Variants in UNC80 observed in about 807,000 individuals in gnomAD.
UNC80 encodes unc-80 subunit of NALCN channel complex, also known as protein unc-80 homolog.
Under a neutral mutation model 384.6 loss-of-function variants are expected in UNC80, and 164 were observed. That is an observed-to-expected ratio of 0.43 (90% CI 0.38 to 0.49). The LOEUF (loss-of-function observed/expected upper bound fraction) is 0.49, where lower values mean the gene tolerates loss of function less well. UNC80 is among the 20% of genes least tolerant of loss of function. The pLI, the probability that UNC80 is intolerant of heterozygous loss-of-function variation, is 0.00. For synonymous variants in UNC80, 1,486 were observed against 1,527.8 expected (o/e 0.97, Z 0.64); for missense variants, 3,330 against 4,143.0 (o/e 0.80, Z 5.39).
rs147855646 is a variant in UNC80 at position 209,863,868 on chromosome 2, T to C, written c.3628-8890T>C. Among the ~76,000 whole-genome samples, 100 of 152,176 alleles carry C rather than the reference T, an allele frequency of 6.6e-4. 2 individuals carry two copies. The East Asian group carries it at 0.019, about 29-fold the overall frequency. ...TGTCCATGTGATCTCGGTCCAGTTC[T>C]GTGCCCTTGATGGAGAGACGCTGCG... On this transcript the variant is annotated intron_variant, in intron 22 of 64. Coordinates refer to ENST00000673920, the MANE Select transcript of UNC80 (RefSeq NM_001371986.1).
intron 6 of UNC80, among the ~76,000 whole-genome samples, chr2:209,790,257 C>A (rs1488220416): frequency 6.6e-6 from 1 of 152,134 alleles, no homozygotes; most frequent in Admixed American, 6.5e-5. Context: ...ATTAAATGAC[C>A]TGCTTTCACT....
chr2:209,925,424 A>C (rs2090354458), intron 35 of UNC80, among the ~76,000 whole-genome samples: 1 of 152,228 alleles, frequency 6.6e-6, no homozygotes, highest in African/African-American at 2.4e-5. Context: ...CCAAAGAGTG[A>C]GCAGCAGCAA....
chr2:209,821,082 A>G (rs1365279159), intron 13 of UNC80, among the ~76,000 whole-genome samples: 3 of 151,338 alleles, frequency 2.0e-5, no homozygotes, highest in Non-Finnish European at 4.4e-5. Flanking sequence ...AGTGGCTTAA[A>G]CAATAGAAAT....
At chr2:209,923,962 A>G (rs979275926) in intron 35 of UNC80, among the ~76,000 whole-genome samples, 1 of 152,152 alleles carries the variant, frequency 6.6e-6, no homozygotes, top group African/African-American at 2.4e-5. Flanking sequence ...AAGATATGCC[A>G]TGTGAAAGAC....
intron 1 of UNC80, 67 bp downstream of exon 1, chr2:209,772,231 C>G: frequency 1.1e-6 from 1 of 888,762 alleles, no homozygotes; most frequent in East Asian, 4.2e-5. Context: ...CCGCCCGGGT[C>G]GCCGCTGCCG....
In UNC80 at chr2:209,995,817, C is replaced by G. The variant is rs2093475281; in HGVS notation, c.*222C>G. On this transcript the variant is annotated 3_prime_UTR_variant, in exon 65 of 65. Transcript: ENST00000673920. ...ATTTAGTTGTGTGAAAATCACAAAA[C>G]CAGGGAGGAATAAGGGGAAAGAGCC... is the stretch of plus-strand genomic sequence containing the variant. 1.9e-6 allele frequency: 1 copy of G among 520,222 alleles called. No homozygotes were observed. Among genetic ancestry groups the G allele is most frequent in the Non-Finnish European group, 3.4e-6 (1 of 298,164 alleles). 32.2% of individuals were successfully genotyped at this position (520,222 alleles called of 1,614,324 possible).
chr2:209,796,068 C>T lies in UNC80; in HGVS notation c.938+2209C>T, dbSNP rs550334335. On this transcript the variant is annotated intron_variant, in intron 7 of 64. Transcript: ENST00000673920. Reference sequence around the variant, plus strand: ...CTCAACACCAGCCTGTGAAAGCAGCCGAGAGGGAGGCTGTACCCTCCAAAG... The same window carrying T: ...CTCAACACCAGCCTGTGAAAGCAGCTGAGAGGGAGGCTGTACCCTCCAAAG... 10 of 152,248 alleles carry T rather than the reference C, an allele frequency of 6.6e-5. No homozygotes were observed. The East Asian group carries it at 7.8e-4, about 12-fold the overall frequency. The allele number at this position is 152,248 out of a possible 1,614,324, so 9.4% of individuals were successfully genotyped here. A position where few individuals can be genotyped will look rare whatever the true frequency, so the allele number is the denominator to read the frequency against.
intron 48 of UNC80, among the ~76,000 whole-genome samples, chr2:209,957,410 C>T (rs1389141009): frequency 6.6e-6 from 1 of 152,040 alleles, no homozygotes; most frequent in African/African-American, 2.4e-5. Flanking sequence ...TTACTCAGAA[C>T]AAAGAAGTGG....
At chr2:209,786,035 T>G (rs1182532744) in intron 4 of UNC80, 31 bp from the exon 5 acceptor site, 1 of 1,608,348 alleles carries the variant, frequency 6.2e-7, no homozygotes, top group East Asian at 2.2e-5. Flanking sequence ...ACATGTCAGT[T>G]ATTGGACATA....
intron 29 of UNC80, among the ~76,000 whole-genome samples, chr2:209,908,222 A>T (rs1454026316): frequency 6.6e-6 from 1 of 152,216 alleles, no homozygotes; most frequent in African/African-American, 2.4e-5. Context: ...TTCTGAATAA[A>T]ATCGTGTCTT....
chr2:209,957,596 TC>T, intron 48 of UNC80, 47 bp from the exon 49 acceptor site: 1 of 1,428,800 alleles, frequency 7.0e-7, no homozygotes, highest in Non-Finnish European at 9.6e-7. Context: ...TGTTTCCATT[TC>T]TGTTGTTGTT....
At chr2:209,831,677 G>C in intron 16 of UNC80, 86 bp downstream of exon 16, 1 of 1,331,288 alleles carries the variant, frequency 7.5e-7, no homozygotes, top group Non-Finnish European at 9.8e-7. Flanking sequence ...AGTAAGAGAA[G>C]CTGAAATCTA....
chr2:209,787,451 C>T (rs2077511709), intron 5 of UNC80, among the ~76,000 whole-genome samples: 1 of 152,116 alleles, frequency 6.6e-6, no homozygotes, highest in African/African-American at 2.4e-5. Context: ...GTTTCTTACC[C>T]TGTAAAATTG....
rs532447521 is a variant in UNC80, at chr2:209,916,417, T to C, written c.5030-1360T>C. Among the ~76,000 whole-genome samples the C allele has an allele frequency of 4.6e-5, 7 of 152,306 alleles. No homozygotes were observed. In the South Asian group the frequency reaches 6.2e-4, roughly 14 times the overall value. On this transcript the variant is annotated intron_variant, in intron 31 of 64. Coordinates refer to ENST00000673920, the MANE Select transcript of UNC80 (RefSeq NM_001371986.1). ...GGAAACAAATGGTATACAAATACCA[T>C]TGGATCTGAGGATTCGTGAGCATTA...
In UNC80 at chr2:209,994,407, T is replaced by C. The variant is rs375977592; in HGVS notation, c.9708+143T>C. 7.1e-5 allele frequency: 50 copies of C among 703,616 alleles called. No homozygotes were observed. In the South Asian group the frequency reaches 1.2e-3, roughly 16 times the overall value. The allele number at this position is 703,616 out of a possible 1,614,324, so 43.6% of individuals were successfully genotyped here. A position where few individuals can be genotyped will look rare whatever the true frequency, so the allele number is the denominator to read the frequency against. ...CAAACAGATACTGCTCCTGCCATCA[T>C]GAAAGAGAAAAATCTATATAAAGTA... is the stretch of plus-strand genomic sequence containing the variant. On this transcript the variant is annotated intron_variant, in intron 64 of 64. Transcript: ENST00000673920.
chr2:209,873,307 C>T (rs954361336), intron 23 of UNC80, among the ~76,000 whole-genome samples: 3 of 152,148 alleles, frequency 2.0e-5, no homozygotes, highest in Admixed American at 6.5e-5. Flanking sequence ...TTGCTATATT[C>T]ATCAAGAATT....
intron 6 of UNC80, among the ~76,000 whole-genome samples, chr2:209,791,955 A>G (rs2077837311): frequency 6.6e-6 from 1 of 152,080 alleles, no homozygotes; most frequent in Non-Finnish European, 1.5e-5. Context: ...CTTGAAATAC[A>G]GCTAGTCTGA....
chr2:209,844,612 C>T (rs563171401), intron 21 of UNC80, among the ~76,000 whole-genome samples: 1 of 149,406 alleles, frequency 6.7e-6, no homozygotes, highest in East Asian at 2.0e-4. Flanking sequence ...CTTTTTGAGA[C>T]AGGGTCTTCC....
chr2:209,914,027 A>G (rs141242844), intron 31 of UNC80, 87 bp downstream of exon 31: 3 of 1,435,556 alleles, frequency 2.1e-6, no homozygotes, highest in Non-Finnish European at 2.8e-6. Flanking sequence ...TTTCCATTCT[A>G]TTTTTGCTCC....
Sources: allele counts gnomAD v4.1 joint callset (sites outside exome capture counted in the v4.1 genomes callset), GRCh38; gene constraint gnomAD v4.1.1; transcripts MANE v1.5; gene names NCBI Gene and HGNC (gene_info 2026-07-23, HGNC 2026-07-21).